Variants in GSAP observed in about 807,000 individuals in gnomAD.
The protein encoded by GSAP is gamma-secretase activating protein.
In GSAP, 118 loss-of-function variants were observed where a neutral mutation model predicts 131.7. The observed-to-expected ratio is 0.90, with a 90% CI of 0.77 to 1.04. The LOEUF (loss-of-function observed/expected upper bound fraction) is 1.04, where lower values mean the gene tolerates loss of function less well. Among genes scored for constraint, GSAP ranks in the 50% least tolerant of loss-of-function variants. The pLI is 0.00. For missense variants in GSAP, 1,019 were observed against 1,013.2 expected (o/e 1.01, Z -0.08); for synonymous variants, 381 against 363.4 (o/e 1.05, Z -0.55).
intron 1 of GSAP, among the ~76,000 whole-genome samples, chr7:77,409,575 C>A (rs1006278818): frequency 3.0e-4 from 45 of 152,148 alleles, no homozygotes; most frequent in African/African-American, 1.0e-3. Flanking sequence ...CTTTGAAAGG[C>A]AGATATTGTA....
chr7:77,397,587 A>C (rs371404794), intron 3 of GSAP, among the ~76,000 whole-genome samples, 172 bp from the exon 4 acceptor site: 1 of 152,222 alleles, frequency 6.6e-6, no homozygotes, highest in Non-Finnish European at 1.5e-5. Context: ...TTTACCAAAA[A>C]AAAGTTTGCT....
intron 26 of GSAP, 92 bp from the exon 27 acceptor site, chr7:77,314,581 G>A: frequency 7.2e-7 from 1 of 1,392,530 alleles, no homozygotes; most frequent in Non-Finnish European, 1.0e-6. Flanking sequence ...AAAGCACTTA[G>A]TTCAGTGCTT....
chr7:77,362,499 A>C, intron 13 of GSAP, 84 bp downstream of exon 13: 1 of 736,428 alleles, frequency 1.4e-6, no homozygotes. Context: ...AAAAATTACT[A>C]ATAACACTGT....
chr7:77,320,879 G>T lies in GSAP; in HGVS notation c.1995-60C>A, dbSNP rs982022775. 4.0e-6 allele frequency: 4 copies of T among 1,009,062 alleles called. No homozygotes were observed. The Admixed American group carries it at 6.9e-5, about 18-fold the overall frequency. 62.5% of individuals were successfully genotyped at this position (1,009,062 alleles called of 1,614,324 possible). On this transcript the variant is annotated intron_variant, in intron 25 of 30. Coordinates refer to ENST00000257626, the MANE Select transcript of GSAP (RefSeq NM_017439.4). ...GGAGCTCATCTGTGATGCTCCATTTGTCCTAAGCAGTGGCTTTGAGTACTA... is the reference window on the plus strand; with the variant it reads ...GGAGCTCATCTGTGATGCTCCATTTTTCCTAAGCAGTGGCTTTGAGTACTA...
chr7:77,364,458 T>C (rs1277579747), intron 12 of GSAP, among the ~76,000 whole-genome samples: 1 of 132,456 alleles, frequency 7.5e-6, no homozygotes, highest in African/African-American at 2.9e-5. Context: ...CACTCATAGG[T>C]GGAAACTGAA....
rs921215961 is a variant in GSAP at position 77,375,851 on chromosome 7, A to C, written c.742-750T>G. Among the ~76,000 whole-genome samples the C allele has an allele frequency of 2.6e-5, 4 of 151,876 alleles. No individual in the cohort carries two copies. In the South Asian group the frequency reaches 6.2e-4, roughly 24 times the overall value. On this transcript the variant is annotated intron_variant, in intron 10 of 30. Transcript: ENST00000257626. ...AGAGTGAGACTCCGTCTTAAAAAAA[A>C]AAAAAAACAAACAAAAAAACAACCA...
intron 5 of GSAP, among the ~76,000 whole-genome samples, chr7:77,391,257 G>T (rs1799490929): frequency 6.6e-6 from 1 of 151,232 alleles, no homozygotes; most frequent in Non-Finnish European, 1.5e-5. Context: ...AAAATGGGAA[G>T]ATCTTTGAAG....
intron 1 of GSAP, among the ~76,000 whole-genome samples, chr7:77,413,259 C>G (rs188433427): frequency 8.5e-4 from 130 of 152,312 alleles, no homozygotes; most frequent in African/African-American, 3.1e-3. Flanking sequence ...GAGGAAGCTT[C>G]GGAACTGAAA....
chr7:77,352,568 G>A (rs1793044335), intron 18 of GSAP, among the ~76,000 whole-genome samples: 1 of 152,100 alleles, frequency 6.6e-6, no homozygotes, highest in African/African-American at 2.4e-5. Context: ...GGGTCGTGAA[G>A]GTCCTTATCT....
chr7:77,376,062 AACTAT>A, intron 10 of GSAP, among the ~76,000 whole-genome samples: 1 of 152,132 alleles, frequency 6.6e-6, no homozygotes, highest in East Asian at 1.9e-4. Context: ...ATTTTGGTTA[AACTAT>A]ACCCTCTCAT....
chr7:77,328,396 C>T, intron 22 of GSAP: 1 of 1,283,366 alleles, frequency 7.8e-7, no homozygotes, highest in East Asian at 3.1e-5. Flanking sequence ...ATCGCAAAAG[C>T]ACATTCAGCA....
chr7:77,355,200 G>A lies in GSAP; in HGVS notation c.1338+13C>T, dbSNP rs574099246. The A allele has an allele frequency of 6.4e-7, 1 of 1,552,480 alleles. No individual in the cohort carries two copies. Among genetic ancestry groups the A allele is most frequent in the South Asian group, 1.1e-5 (1 of 89,496 alleles). On this transcript the variant is annotated intron_variant, in intron 16 of 30. Coordinates refer to ENST00000257626, the MANE Select transcript of GSAP (RefSeq NM_017439.4). ...TCTATCTGCCCATTTTAAAACATGAGCTATCTTCTCACCTGGGCTTCCAGG... is the reference window on the plus strand; with the variant it reads ...TCTATCTGCCCATTTTAAAACATGAACTATCTTCTCACCTGGGCTTCCAGG...
chr7:77,375,896 G>C (rs1796781341), intron 10 of GSAP, among the ~76,000 whole-genome samples: 1 of 149,592 alleles, frequency 6.7e-6, no homozygotes, highest in South Asian at 2.1e-4. Context: ...TCATCACAAA[G>C]ATATTAAGAA....
chr7:77,416,205 T>G lies in GSAP; in HGVS notation c.109+8A>C. ...CCCCCACCCCTCTCCGCAGCGCGCC[T>G]CCCGCACCTGCGCCGCCGCTTCCGG... On this transcript the variant is annotated splice_region_variant and intron_variant, in intron 1 of 30. Transcript: ENST00000257626. 1.9e-5 allele frequency: 14 copies of G among 748,764 alleles called. No individual in the cohort carries two copies. The highest frequency in any genetic ancestry group is 2.5e-5 in the Non-Finnish European group (14 of 549,470). 46.4% of individuals were successfully genotyped at this position (748,764 alleles called of 1,614,324 possible).
intron 19 of GSAP, among the ~76,000 whole-genome samples, chr7:77,334,816 G>A (rs1012478022): frequency 6.6e-6 from 1 of 152,170 alleles, no homozygotes; most frequent in African/African-American, 2.4e-5. Context: ...CAGGCATGGT[G>A]GCTCACGCCT....
intron 1 of GSAP, among the ~76,000 whole-genome samples, chr7:77,414,265 G>C (rs1200246825): frequency 2.6e-5 from 4 of 152,248 alleles, no homozygotes; most frequent in Non-Finnish European, 4.4e-5. Flanking sequence ...TGAAAAGCCA[G>C]AACTTTGAAA....
chr7:77,374,111 A>C lies in GSAP; in HGVS notation c.830T>G (p.Phe277Cys). ...AACACACAGAGTCAGGTGTTTGGAA[A>C]ATTTATCTCGGTATTGATGATAATC... ...GCDYHQYRDK[F>C]SKHLTLCVFT... is the part of the protein sequence containing the mutation. Residue 277 changes from phenylalanine (F) to cysteine (C), a missense_variant, in exon 12 of 31, where the codon TTT (phenylalanine) becomes TGT (cysteine). Transcript: ENST00000257626. The C allele has an allele frequency of 6.3e-7, 1 of 1,596,374 alleles. No homozygotes were observed. The highest frequency in any genetic ancestry group is 1.1e-5 in the South Asian group (1 of 89,896).
intron 19 of GSAP, among the ~76,000 whole-genome samples, chr7:77,347,406 G>A (rs1792074086): frequency 6.6e-6 from 1 of 152,136 alleles, no homozygotes; most frequent in South Asian, 2.1e-4. Context: ...TCTCTAGGTA[G>A]ATAGTGTCAG....
chr7:77,328,906 G>A (rs1788695280), intron 21 of GSAP, among the ~76,000 whole-genome samples: 1 of 151,810 alleles, frequency 6.6e-6, no homozygotes, highest in Non-Finnish European at 1.5e-5. Context: ...ACAGAAAATA[G>A]AACAGAGGTT....
Sources: allele counts gnomAD v4.1 joint callset (sites outside exome capture counted in the v4.1 genomes callset), GRCh38; gene constraint gnomAD v4.1.1; transcripts MANE v1.5; gene names NCBI Gene and HGNC (gene_info 2026-07-23, HGNC 2026-07-21).